Variants in PHC2 observed in about 807,000 individuals in gnomAD.
The protein encoded by PHC2 is polyhomeotic homolog 2, also known as polyhomeotic-like protein 2.
Under a neutral mutation model 87.4 loss-of-function variants are expected in PHC2, and 29 were observed. The ratio of observed to expected loss-of-function variants is 0.33; its 90% CI spans 0.25 to 0.45. The LOEUF is 0.45. PHC2 is among the 20% of genes least tolerant of loss of function. The pLI is 1.00. For synonymous variants in PHC2, 438 were observed against 461.7 expected, an observed-to-expected ratio of 0.95 and a Z score of 0.66; for missense variants, 857 against 1,136.7, an observed-to-expected ratio of 0.75 and a Z score of 3.54.
At chr1:33,416,209 G>T (rs1230363263) in intron 1 of PHC2, among the ~76,000 whole-genome samples, 1 of 152,116 alleles carries the variant, frequency 6.6e-6, no homozygotes, top group African/African-American at 2.4e-5. Flanking sequence ...CTGCTGAAGT[G>T]ATGAAAAGAA....
chr1:33,420,922 C>G (rs1269446894), intron 1 of PHC2, among the ~76,000 whole-genome samples: 2 of 152,168 alleles, frequency 1.3e-5, no homozygotes, highest in Non-Finnish European at 2.9e-5. Flanking sequence ...ATTTTCACCT[C>G]TTTGAGCCTG....
chr1:33,354,289 C>T (rs1306537887), intron 9 of PHC2, 112 bp downstream of exon 9: 3 of 1,015,156 alleles, frequency 3.0e-6, no homozygotes, highest in Non-Finnish European at 4.4e-6. Context: ...CCCCAGCTTC[C>T]TTGCTTGTAA....
intron 1 of PHC2, among the ~76,000 whole-genome samples, chr1:33,383,625 G>A (rs1648596421): frequency 6.6e-6 from 1 of 152,252 alleles, no homozygotes; most frequent in African/African-American, 2.4e-5. Flanking sequence ...AAGCCACACT[G>A]TGCAGATGCT....
intron 9 of PHC2, among the ~76,000 whole-genome samples, chr1:33,338,062 G>A (rs755214522): frequency 2.6e-5 from 4 of 152,162 alleles, no homozygotes; most frequent in Non-Finnish European, 5.9e-5. Context: ...CTCTGACCTT[G>A]TCTTTTGTGG....
chr1:33,387,920 C>T (rs1648845855), intron 1 of PHC2, among the ~76,000 whole-genome samples: 1 of 152,240 alleles, frequency 6.6e-6, no homozygotes, highest in Non-Finnish European at 1.5e-5. Flanking sequence ...CCTGGTATCC[C>T]TGAAATCACA....
At chr1:33,423,347 T>C (rs898846255) in intron 1 of PHC2, among the ~76,000 whole-genome samples, 13 of 152,202 alleles carry the variant, frequency 8.5e-5, no homozygotes, top group African/African-American at 3.1e-4. Flanking sequence ...CAGTGTTCCA[T>C]ATTTCAATCC....
chr1:33,357,777 G>T (rs1647119491), intron 7 of PHC2, among the ~76,000 whole-genome samples: 1 of 152,212 alleles, frequency 6.6e-6, no homozygotes, highest in Admixed American at 6.5e-5. Flanking sequence ...ACAGGACTTT[G>T]TTAGGCCCCC....
chr1:33,385,515 G>A (rs1185037057), intron 1 of PHC2, among the ~76,000 whole-genome samples: 1 of 152,134 alleles, frequency 6.6e-6, no homozygotes, highest in East Asian at 1.9e-4. Flanking sequence ...GACTTCATTG[G>A]TTTTAAATAA....
chr1:33,394,405 A>C (rs1649211942), intron 1 of PHC2, among the ~76,000 whole-genome samples: 1 of 152,220 alleles, frequency 6.6e-6, no homozygotes, highest in Non-Finnish European at 1.5e-5. Context: ...AAAGGTCTTT[A>C]AACTAAAGTT....
intron 1 of PHC2, among the ~76,000 whole-genome samples, chr1:33,403,946 T>C (rs560162898): frequency 1.3e-5 from 2 of 152,258 alleles, no homozygotes; most frequent in East Asian, 3.9e-4. Flanking sequence ...TTAAGATACA[T>C]CCATGAAACC....
chr1:33,342,931 A>G (rs1295140969), intron 9 of PHC2, among the ~76,000 whole-genome samples: 2 of 152,234 alleles, frequency 1.3e-5, no homozygotes, highest in African/African-American at 4.8e-5. Flanking sequence ...GGCAGAGTAG[A>G]AAGAGCATGG....
intron 1 of PHC2, among the ~76,000 whole-genome samples, chr1:33,392,961 T>A (rs1443666090): frequency 6.6e-6 from 1 of 152,162 alleles, no homozygotes; most frequent in African/African-American, 2.4e-5. Flanking sequence ...AGGGGACACA[T>A]TACAGAATAA....
intron 8 of PHC2, 48 bp downstream of exon 8, chr1:33,354,790 C>T (rs374946418): frequency 4.7e-5 from 74 of 1,579,498 alleles, no homozygotes; most frequent in Non-Finnish European, 1.0e-5. Context: ...GTCGTCCGAG[C>T]TGTGGCCACC....
intron 1 of PHC2, among the ~76,000 whole-genome samples, chr1:33,413,842 C>T (rs996040427): frequency 6.6e-6 from 1 of 152,102 alleles, no homozygotes; most frequent in Non-Finnish European, 1.5e-5. Context: ...TGTAATTATC[C>T]ATCAAACTCT....
chr1:33,353,240 A>T (rs1367557020), intron 9 of PHC2: 1 of 152,202 alleles, frequency 6.6e-6, no homozygotes, highest in African/African-American at 2.4e-5. Flanking sequence ...CTCTTTTTTA[A>T]TGGGGGGAGA....
At chr1:33,385,448 A>G (rs935315819) in intron 1 of PHC2, among the ~76,000 whole-genome samples, 1 of 152,240 alleles carries the variant, frequency 6.6e-6, no homozygotes, top group Non-Finnish European at 1.5e-5. Flanking sequence ...AACCCTGGCC[A>G]TGTTACGTAA....
chr1:33,346,129 A>G (rs915407426), intron 9 of PHC2: 1 of 985,244 alleles, frequency 1.0e-6, no homozygotes, highest in Non-Finnish European at 1.2e-6. Context: ...TAAGTCCCCA[A>G]AGAGAGAGCC....
At chr1:33,356,871 G>T (rs1271434245) in intron 7 of PHC2, among the ~76,000 whole-genome samples, 2 of 151,992 alleles carry the variant, frequency 1.3e-5, no homozygotes. Flanking sequence ...GGGCGGCCAG[G>T]CAGAGGCGCC....
At chr1:33,335,473 T>A (rs1369311787) in intron 9 of PHC2, 1 of 286,036 alleles carries the variant, frequency 3.5e-6, no homozygotes, top group Non-Finnish European at 5.2e-6. Context: ...GCACACTTGT[T>A]AAGTAATCTT....
Sources: allele counts gnomAD v4.1 joint callset (sites outside exome capture counted in the v4.1 genomes callset), GRCh38; gene constraint gnomAD v4.1.1; transcripts MANE v1.5; gene names NCBI Gene and HGNC (gene_info 2026-07-23, HGNC 2026-07-21).